Variants in CDC42 observed in about 807,000 individuals in gnomAD.
The protein encoded by CDC42 is cell division control protein 42 homolog.
Under a neutral mutation model 20.8 loss-of-function variants are expected in CDC42, and 1 was observed. The ratio of observed to expected loss-of-function variants is 0.05; its 90% CI spans 0.02 to 0.23. The LOEUF is 0.23. Ranked by LOEUF, CDC42 falls within the 10% of genes least tolerant of loss-of-function variation. The pLI is 1.00. For synonymous variants in CDC42, 72 were observed against 84.8 expected, an observed-to-expected ratio of 0.85 and a Z score of 0.83; for missense variants, 49 against 227.9, an observed-to-expected ratio of 0.21 and a Z score of 5.05.
intron 1 of CDC42, among the ~76,000 whole-genome samples, chr1:22,053,092 A>C (rs1455223378): frequency 6.6e-6 from 1 of 150,878 alleles, no homozygotes; most frequent in African/African-American, 2.4e-5. Context: ...CCCTCCCCCC[A>C]GCCCGGCCCG....
intron 1 of CDC42, among the ~76,000 whole-genome samples, chr1:22,062,584 T>C (rs1280732445): frequency 6.6e-6 from 1 of 151,976 alleles, no homozygotes; most frequent in Admixed American, 6.6e-5. Context: ...AGTTGCCTGA[T>C]CTTAAGAGTT....
chr1:22,080,829 T>TGTCTTA (rs1446482291), intron 2 of CDC42, among the ~76,000 whole-genome samples: 1 of 152,190 alleles, frequency 6.6e-6, no homozygotes, highest in Non-Finnish European at 1.5e-5. Flanking sequence ...TTAAAGAAGA[T>TGTCTTA]GTCTTAGATC....
intron 1 of CDC42, among the ~76,000 whole-genome samples, chr1:22,054,581 T>C (rs1012080939): frequency 2.0e-5 from 3 of 152,120 alleles, no homozygotes; most frequent in African/African-American, 7.2e-5. Context: ...TAATGCATTG[T>C]TGTAAAGATA....
chr1:22,069,454 G>A (rs1645459937), intron 1 of CDC42, among the ~76,000 whole-genome samples: 1 of 151,430 alleles, frequency 6.6e-6, no homozygotes, highest in African/African-American at 2.4e-5. Context: ...GGGATTATAG[G>A]CGTGAGCCAC....
intron 1 of CDC42, among the ~76,000 whole-genome samples, chr1:22,065,254 C>A (rs1443618220): frequency 6.6e-6 from 1 of 152,178 alleles, no homozygotes; most frequent in African/African-American, 2.4e-5. Context: ...GAAATACTTG[C>A]TGTGTGATTA....
chr1:22,083,028 C>T (rs1310814603), intron 3 of CDC42, among the ~76,000 whole-genome samples: 8 of 151,734 alleles, frequency 5.3e-5, no homozygotes, highest in Admixed American at 2.6e-4. Context: ...TACAGGCATG[C>T]GCCACCATAC....
Position 22,074,424 on chromosome 1 carries a change from TC to T in CDC42, c.-50-4004del, listed in dbSNP as rs564411104. Among the ~76,000 whole-genome samples, 492 of 152,332 alleles carry T rather than the reference TC, an allele frequency of 3.2e-3. 2 individuals carry two copies. Among genetic ancestry groups the T allele is most frequent in the Non-Finnish European group, 5.8e-3 (392 of 68,018 alleles). ...GAATGGTAATTGTTTCTATGTGGCCTCTTTGCTGCCGTAGTGATTTGACATT... is the reference window on the plus strand; with the variant it reads ...GAATGGTAATTGTTTCTATGTGGCCTTTTGCTGCCGTAGTGATTTGACATT... On this transcript the variant is annotated intron_variant, in intron 1 of 5. Transcript: ENST00000656825.
chr1:22,089,321 A>G (rs970951659), intron 5 of CDC42, among the ~76,000 whole-genome samples: 4 of 152,204 alleles, frequency 2.6e-5, no homozygotes, highest in Non-Finnish European at 4.4e-5. Flanking sequence ...ATACCCATGC[A>G]GACATCTTAA....
At chr1:22,061,544 T>C (rs1645364919) in intron 1 of CDC42, among the ~76,000 whole-genome samples, 3 of 112,426 alleles carry the variant, frequency 2.7e-5, no homozygotes, top group Non-Finnish European at 3.8e-5. Flanking sequence ...TTTTTTTTTT[T>C]TTTTTTTTTT....
At position 22,100,026 on chromosome 1, in the gene CDC42, C is replaced by CT. The variant is rs780658203; in HGVS notation, c.*8511dup. Among the ~76,000 whole-genome samples, 1,688 of 57,590 alleles carry CT rather than the reference C, an allele frequency of 0.029. 119 individuals carry two copies. The highest frequency in any genetic ancestry group is 0.1 in the African/African-American group (1,548 of 15,246). The allele number at this position is 57,590 out of a possible 152,430, so 37.8% of individuals were successfully genotyped here. On this transcript the variant is annotated 3_prime_UTR_variant, in exon 6 of 6. Coordinates refer to ENST00000656825, the MANE Select transcript of CDC42 (RefSeq NM_001791.4). ...CCTTTTTTTCTTTCTTCTTCTTCTT[C>CT]TTCTTTTTTTTTTTTTTTGTATAAT...
rs1223420789 is a variant in CDC42, at chr1:22,096,489, T to A, written c.*4972T>A. Among the ~76,000 whole-genome samples the A allele has an allele frequency of 1.3e-5, 2 of 152,244 alleles. No individual in the cohort carries two copies. The highest frequency in any genetic ancestry group is 2.9e-5 in the Non-Finnish European group (2 of 68,036). On this transcript the variant is annotated 3_prime_UTR_variant, in exon 6 of 6. Transcript: ENST00000656825. ...TAAAAGTTTTATCTGTGCATGCATA[T>A]TCATGACACATTCATTTGTCATTAT...
rs1645770892 is a variant in CDC42, at chr1:22,098,411, A to G, written c.*6894A>G. Among the ~76,000 whole-genome samples, 1 of 152,206 alleles carries G rather than the reference A, an allele frequency of 6.6e-6. No individual in the cohort carries two copies. The highest frequency in any genetic ancestry group is 2.4e-5 in the African/African-American group (1 of 41,446). ...GGACCTGAGAATCAATCTAATTTCTAAAAGATTCCCAGATAGAACTTTGTT... is the reference window on the plus strand; with the variant it reads ...GGACCTGAGAATCAATCTAATTTCTGAAAGATTCCCAGATAGAACTTTGTT... On this transcript the variant is annotated 3_prime_UTR_variant, in exon 6 of 6. Coordinates refer to ENST00000656825, the MANE Select transcript of CDC42 (RefSeq NM_001791.4).
At chr1:22,074,470 T>C (rs142167150) in intron 1 of CDC42, among the ~76,000 whole-genome samples, 107 of 152,242 alleles carry the variant, frequency 7.0e-4, no homozygotes, top group African/African-American at 2.5e-3. Flanking sequence ...GAGATTAACA[T>C]AGGGTATATG....
intron 3 of CDC42, among the ~76,000 whole-genome samples, chr1:22,083,536 C>T (rs1219606422): frequency 1.3e-5 from 2 of 151,760 alleles, no homozygotes; most frequent in African/African-American, 2.4e-5. Context: ...ACCCAGGGGG[C>T]GGAGGTTGCA....
rs1645716537 is a variant in CDC42, at chr1:22,091,682, C to T, written c.*165C>T. 2 of 415,384 alleles carry T rather than the reference C, an allele frequency of 4.8e-6. No individual in the cohort carries two copies. The highest frequency in any genetic ancestry group is 3.5e-5 in the East Asian group (1 of 28,304). The allele number at this position is 415,384 out of a possible 1,614,324, so 25.7% of individuals were successfully genotyped here. On this transcript the variant is annotated 3_prime_UTR_variant, in exon 6 of 6. Coordinates refer to ENST00000656825, the MANE Select transcript of CDC42 (RefSeq NM_001791.4). ...GTGAGACAAGGCCCATAGGTATGGC[C>T]CCCCCCTTCCCCCTCCCAGTACTAG... is the stretch of plus-strand genomic sequence containing the variant.
intron 1 of CDC42, 27 bp from the exon 2 acceptor site, chr1:22,078,401 TA>T: frequency 8.9e-7 from 1 of 1,122,458 alleles, no homozygotes; most frequent in Non-Finnish European, 1.3e-6. Flanking sequence ...TAAGTATAAA[TA>T]AACAAATGTC....
chr1:22,064,668 T>C (rs978553784), intron 1 of CDC42, among the ~76,000 whole-genome samples: 1 of 147,460 alleles, frequency 6.8e-6, no homozygotes, highest in Non-Finnish European at 1.5e-5. Context: ...CAGCCTGCTA[T>C]AGAAGATTGC....
At chr1:22,071,046 C>CTTTTTTTTTTTTTTTTT (rs10684040) in intron 1 of CDC42, among the ~76,000 whole-genome samples, 2 of 125,312 alleles carry the variant, frequency 1.6e-5, no homozygotes, top group African/African-American at 3.0e-5. Context: ...TTTTTTCTTT[C>CTTTTTTTTTTTTTTTTT]TTTTTTTTTT....
intron 1 of CDC42, among the ~76,000 whole-genome samples, chr1:22,074,754 A>T (rs1269083236): frequency 2.0e-5 from 3 of 152,132 alleles, no homozygotes; most frequent in African/African-American, 7.2e-5. Context: ...AACAAATTTA[A>T]ATCTCACTTG....
Sources: allele counts gnomAD v4.1 joint callset (sites outside exome capture counted in the v4.1 genomes callset), GRCh38; gene constraint gnomAD v4.1.1; transcripts MANE v1.5; gene names NCBI Gene and HGNC (gene_info 2026-07-23, HGNC 2026-07-21).